Variants in KIF1A observed in about 807,000 individuals in gnomAD.
KIF1A encodes the protein kinesin family member 1A, also known as kinesin-like protein KIF1A.
Under a neutral mutation model 227.3 loss-of-function variants are expected in KIF1A, and 46 were observed. The ratio of observed to expected loss-of-function variants is 0.20; its 90% CI spans 0.16 to 0.26. The LOEUF (loss-of-function observed/expected upper bound fraction) is 0.26. KIF1A is among the 10% of genes least tolerant of loss of function. KIF1A has a pLI of 1.00. For missense variants in KIF1A, 1,683 were observed against 2,485.9 expected (o/e 0.68, Z 6.87); for synonymous variants, 1,022 against 1,012.8 (o/e 1.01, Z -0.17).
intron 38 of KIF1A, among the ~76,000 whole-genome samples, chr2:240,732,036 TGA>T (rs2046716172): frequency 2.3e-5 from 1 of 42,706 alleles, no homozygotes; most frequent in African/African-American, 9.3e-5. Flanking sequence ...GAGGAGGGAA[TGA>T]GGGGAGGAGG....
At position 240,766,749 on chromosome 2, in the gene KIF1A, T is replaced by TCACACACACACACACA. The variant is rs55815321; in HGVS notation, c.1684+150_1684+165dup. Among the ~76,000 whole-genome samples, 13 of 109,014 alleles carry TCACACACACACACACA rather than the reference T, an allele frequency of 1.2e-4. No homozygotes were observed. The highest frequency in any genetic ancestry group is 6.4e-4 in the East Asian group (2 of 3,144). The allele number at this position is 109,014 out of a possible 152,430, so 71.5% of individuals were successfully genotyped here. A position where few individuals can be genotyped will look rare whatever the true frequency, so the allele number is the denominator to read the frequency against. On this transcript the variant is annotated intron_variant, in intron 19 of 48. Transcript: ENST00000498729. The surrounding 1 kb of genome is among the most constrained non-coding windows in gnomAD (Gnocchi z 5.0). ...CTCTCTCTCTCTCTCTCTCTCTCTC[T>TCACACACACACACACA]CACACACACACACACACACACACAC...
intron 20 of KIF1A, among the ~76,000 whole-genome samples, chr2:240,765,201 A>ACTTTATG (rs1429835780): frequency 6.6e-6 from 1 of 152,188 alleles, no homozygotes; most frequent in Admixed American, 6.5e-5. Flanking sequence ...TAAAGAAGGG[A>ACTTTATG]CTTTATGCCA....
At position 240,757,565 on chromosome 2, in the gene KIF1A, G is replaced by A; in HGVS notation, c.2612C>T (p.Pro871Leu). The A allele has an allele frequency of 6.4e-7, 1 of 1,550,682 alleles. No individual in the cohort carries two copies. The highest frequency in any genetic ancestry group is 8.7e-7 in the Non-Finnish European group (1 of 1,146,992). Reference protein sequence around the residue: ...SSAISGCNSYPLLNTCMSERM... With the variant: ...SSAISGCNSYLLLNTCMSERM... ...CTCGCTCATGCATGTGTTGAGAAGA[G>A]GGTAGCTGTTGCAGCCAGAGATGGC... Residue 871 changes from proline to leucine, a missense_variant, in exon 27 of 49, where the codon CCT (proline) becomes CTT (leucine). Pro to Leu is a moderately conservative substitution (Grantham distance 98). Transcript: ENST00000498729. The surrounding 1 kb of genome is among the most constrained non-coding windows in gnomAD (Gnocchi z 6.2).
At chr2:240,777,874 TGTCCCTCGCAGG>T (rs1361844854) in intron 10 of KIF1A, among the ~76,000 whole-genome samples, 1 of 152,208 alleles carries the variant, frequency 6.6e-6, no homozygotes, top group African/African-American at 2.4e-5. Context: ...TCTCTGTCAC[TGTCCCTCGCAGG>T]GTCCCTCGCA....
chr2:240,751,107 C>G (rs559752007), intron 27 of KIF1A, among the ~76,000 whole-genome samples: 2 of 152,246 alleles, frequency 1.3e-5, no homozygotes, highest in East Asian at 3.9e-4. Flanking sequence ...CCTGAGGACA[C>G]CCCCAGGGCC....
At chr2:240,808,710 G>C (rs1266321866) in intron 1 of KIF1A, among the ~76,000 whole-genome samples, 1 of 151,726 alleles carries the variant, frequency 6.6e-6, no homozygotes, top group Non-Finnish European at 1.5e-5. Flanking sequence ...CCAAACTATA[G>C]AGTACCTAGG....
chr2:240,727,011 A>T, intron 38 of KIF1A, 71 bp from the exon 39 acceptor site: 1 of 877,436 alleles, frequency 1.1e-6, no homozygotes, highest in Non-Finnish European at 1.8e-6. Context: ...GGGGACATGC[A>T]GACAGACAGA....
chr2:240,718,237 A>G (rs2044796877), intron 47 of KIF1A, 69 bp from the exon 48 acceptor site: 1 of 1,100,468 alleles, frequency 9.1e-7, no homozygotes, highest in South Asian at 1.3e-5. Context: ...CCTGCTCCCC[A>G]GGGCCCAGGC....
rs2045937153 is a variant in KIF1A at position 240,725,725 on chromosome 2, C to T, written c.4123-321G>A. 4 of 286,434 alleles carry T rather than the reference C, an allele frequency of 1.4e-5. No homozygotes were observed. Among genetic ancestry groups the T allele is most frequent in the Non-Finnish European group, 2.6e-5 (4 of 154,170 alleles). 17.7% of individuals were successfully genotyped at this position (286,434 alleles called of 1,614,324 possible). A position where few individuals can be genotyped will look rare whatever the true frequency, so the allele number is the denominator to read the frequency against. ...TGCCTCACCATAAAATTGGGGTGACCCCTCCCCGACCCTGGAATGTCTGTG... is the reference window on the plus strand; with the variant it reads ...TGCCTCACCATAAAATTGGGGTGACTCCTCCCCGACCCTGGAATGTCTGTG... On this transcript the variant is annotated intron_variant, in intron 39 of 48. Transcript: ENST00000498729. This position sits in a 1 kb window ranked among gnomAD's most constrained non-coding sequence, Gnocchi z 5.8.
In KIF1A at chr2:240,760,662, C is replaced by T. The variant is rs779065199; in HGVS notation, c.2444+3G>A. On this transcript the variant is annotated splice_donor_region_variant and intron_variant, in intron 25 of 48. Transcript: ENST00000498729. Reference sequence around the variant, plus strand: ...CATCCACCCAGCGGCCCTCCAGCCCCACCTGAGCTTCTCCAGCGTCCAGTA... The same window carrying T: ...CATCCACCCAGCGGCCCTCCAGCCCTACCTGAGCTTCTCCAGCGTCCAGTA... 11 of 1,502,464 alleles carry T rather than the reference C, an allele frequency of 7.3e-6. No homozygotes were observed. Among genetic ancestry groups the T allele is most frequent in the Admixed American group, 2.2e-5 (1 of 46,206 alleles). 93.1% of individuals were successfully genotyped at this position (1,502,464 alleles called of 1,614,324 possible). A position where few individuals can be genotyped will look rare whatever the true frequency, so the allele number is the denominator to read the frequency against.
intron 14 of KIF1A, 71 bp from the exon 15 acceptor site, chr2:240,771,175 C>A: frequency 6.3e-7 from 1 of 1,598,462 alleles, no homozygotes; most frequent in Non-Finnish European, 8.6e-7. Context: ...CAAGGTCGGA[C>A]ACGTCTATGG....
In KIF1A at chr2:240,787,224, C is replaced by T. The variant is rs200224735; in HGVS notation, c.429+27G>A. 3.1e-4 allele frequency: 494 copies of T among 1,588,934 alleles called. 4 individuals carry two copies. The Admixed American group carries it at 7.5e-3, about 24-fold the overall frequency. ...CACCAGATTCCCAGCCCTGCCCCAG[C>T]GGCCAACGGCAGGCGGGGAGCCCTA... On this transcript the variant is annotated intron_variant, in intron 5 of 48. Transcript: ENST00000498729.
At chr2:240,717,481 G>C (rs570255531) in intron 48 of KIF1A, 75 bp from the exon 49 acceptor site, 1 of 1,417,608 alleles carries the variant, frequency 7.1e-7, no homozygotes, top group African/African-American at 1.4e-5. Context: ...GCCCTGCACA[G>C]GCAGGCAGCC....
At chr2:240,760,556 G>A (rs181468848) in intron 25 of KIF1A, 109 bp downstream of exon 25, 313 of 718,800 alleles carry the variant, frequency 4.4e-4, no homozygotes, top group Middle Eastern at 4.1e-4. Flanking sequence ...GAGGAACAGC[G>A]GTGTCTGCAG....
At chr2:240,812,581 G>A (rs1192690410) in intron 1 of KIF1A, among the ~76,000 whole-genome samples, 4 of 151,288 alleles carry the variant, frequency 2.6e-5, no homozygotes, top group African/African-American at 4.9e-5. Flanking sequence ...ATTCACCTCA[G>A]GGATCTGCCT....
Position 240,758,612 on chromosome 2 carries a change from G to C in KIF1A, c.2445-115C>G. The C allele has an allele frequency of 9.0e-7, 1 of 1,116,394 alleles. No individual in the cohort carries two copies. 69.2% of individuals were successfully genotyped at this position (1,116,394 alleles called of 1,614,324 possible). On this transcript the variant is annotated intron_variant, in intron 25 of 48. Coordinates refer to ENST00000498729, the MANE Select transcript of KIF1A (RefSeq NM_001244008.2). The surrounding 1 kb of genome is among the most constrained non-coding windows in gnomAD (Gnocchi z 5.2). The stretch of plus-strand genomic sequence containing the variant: ...AGCCTAGCTCTGGCCACCACATCCA[G>C]CTCAGGGTCATCAAGGTCCAGGGGG...
Position 240,782,001 on chromosome 2 carries a change from C to T in KIF1A, c.882+589G>A, listed in dbSNP as rs371833681. On this transcript the variant is annotated intron_variant, in intron 10 of 48. Coordinates refer to ENST00000498729, the MANE Select transcript of KIF1A (RefSeq NM_001244008.2). Reference sequence around the variant, plus strand: ...TCCCAGTGAGCACCTCGCGGATCCCCGTGGTGGCGCCCGCCCTGTCTCACG... The same window carrying T: ...TCCCAGTGAGCACCTCGCGGATCCCTGTGGTGGCGCCCGCCCTGTCTCACG... 52 of 985,438 alleles carry T rather than the reference C, an allele frequency of 5.3e-5. 1 individual carries two copies. The East Asian group carries it at 5.2e-3, about 99-fold the overall frequency. The allele number at this position is 985,438 out of a possible 1,614,324, so 61.0% of individuals were successfully genotyped here. A position where few individuals can be genotyped will look rare whatever the true frequency, so the allele number is the denominator to read the frequency against.
At position 240,769,040 on chromosome 2, in the gene KIF1A, C is replaced by T. The variant is rs2051579228; in HGVS notation, c.1497+93G>A. The T allele has an allele frequency of 6.1e-6, 7 of 1,146,782 alleles. No homozygotes were observed. The East Asian group carries it at 1.8e-4, about 29-fold the overall frequency. The allele number at this position is 1,146,782 out of a possible 1,614,324, so 71.0% of individuals were successfully genotyped here. On this transcript the variant is annotated intron_variant, in intron 17 of 48. Transcript: ENST00000498729. ...GCCAGAGCCCCACCGTGCTCCCCTA[C>T]TTCCAGGAGCCCCCTCTGGCTCTAC...
At position 240,774,391 on chromosome 2, in the gene KIF1A, A is replaced by AC. The variant is rs570956380; in HGVS notation, c.959-131dup. 20,744 of 263,918 alleles carry AC rather than the reference A, an allele frequency of 0.079. 229 individuals carry two copies. Among genetic ancestry groups the AC allele is most frequent in the East Asian group, 0.085 (1,262 of 14,884 alleles). The allele number at this position is 263,918 out of a possible 1,614,324, so 16.3% of individuals were successfully genotyped here. On this transcript the variant is annotated intron_variant, in intron 11 of 48. Transcript: ENST00000498729. ...GAGAGGTAAACTGAGTCACAGGCTTACCCCCCCCCCCACCCCCACCCCATG... is the reference window on the plus strand; with the variant it reads ...GAGAGGTAAACTGAGTCACAGGCTTACCCCCCCCCCCCACCCCCACCCCATG...
Sources: allele counts gnomAD v4.1 joint callset (sites outside exome capture counted in the v4.1 genomes callset), GRCh38; gene constraint gnomAD v4.1.1; non-coding constraint Gnocchi (gnomAD v3.1); transcripts MANE v1.5; gene names NCBI Gene and HGNC (gene_info 2026-07-23, HGNC 2026-07-21).